The following DMBT1 variants were observed in gnomAD, a reference collection of about 807,000 sequenced individuals.
DMBT1 encodes scavenger receptor cysteine-rich domain-containing protein DMBT1.
A neutral mutation model predicts 252.9 loss-of-function variants in DMBT1; 198 were observed. The observed-to-expected ratio is 0.78, with a 90% CI of 0.70 to 0.88. DMBT1 has a LOEUF of 0.88. Ranked by LOEUF, DMBT1 falls within the 40% of genes least tolerant of loss-of-function variation. The pLI, the probability that DMBT1 is intolerant of heterozygous loss-of-function variation, is 0.00. For synonymous variants in DMBT1, 990 were observed against 942.7 expected (o/e 1.05, Z -0.92); for missense variants, 2,432 against 2,404.7 (o/e 1.01, Z -0.24).
At chr10:122,623,420 C>T (rs972547352) in intron 44 of DMBT1, among the ~76,000 whole-genome samples, 3 of 152,076 alleles carry the variant, frequency 2.0e-5, no homozygotes, top group Non-Finnish European at 4.4e-5. Context: ...AGATATATAC[C>T]TAGGAGTGGG....
intron 46 of DMBT1, among the ~76,000 whole-genome samples, chr10:122,629,472 G>A (rs2098142128): frequency 6.6e-6 from 1 of 152,132 alleles, no homozygotes; most frequent in Non-Finnish European, 1.5e-5. Flanking sequence ...CTCTCCACGG[G>A]TCAGCACTGT....
intron 2 of DMBT1, among the ~76,000 whole-genome samples, chr10:122,569,532 G>A (rs536598364): frequency 1.3e-5 from 2 of 152,266 alleles, no homozygotes; most frequent in Admixed American, 1.3e-4. Context: ...CTGTCCCATG[G>A]CGTGTTCCCC....
At position 122,630,121 on chromosome 10, in the gene DMBT1, T is replaced by G. The variant is rs533598597; in HGVS notation, c.5822+128T>G. The G allele has an allele frequency of 5.7e-5, 81 of 1,426,440 alleles. 1 individual carries two copies. The highest frequency in any genetic ancestry group is 2.3e-4 in the Middle Eastern group (1 of 4,326). The allele number at this position is 1,426,440 out of a possible 1,614,324, so 88.4% of individuals were successfully genotyped here. The stretch of plus-strand genomic sequence containing the variant: ...ATGGACAAGCTTTTGGTGGCTTTGA[T>G]TCCTACCATAAAGCATCAGGGAACA... On this transcript the variant is annotated intron_variant, in intron 47 of 55. Transcript: ENST00000338354.
chr10:122,634,834 G>A (rs914865586), intron 52 of DMBT1, among the ~76,000 whole-genome samples: 8 of 152,254 alleles, frequency 5.3e-5, no homozygotes, highest in Admixed American at 3.9e-4. Flanking sequence ...CCAAGGAGGC[G>A]GGTGGCCCAG....
intron 52 of DMBT1, among the ~76,000 whole-genome samples, chr10:122,635,758 G>A (rs1302378256): frequency 2.0e-5 from 3 of 152,102 alleles, no homozygotes; most frequent in Admixed American, 6.6e-5. Context: ...GTTTCACCAC[G>A]TTGGCCAGGC....
intron 52 of DMBT1, among the ~76,000 whole-genome samples, chr10:122,634,946 G>A (rs2098214279): frequency 6.6e-6 from 1 of 152,214 alleles, no homozygotes; most frequent in African/African-American, 2.4e-5. Context: ...TTTCCCTGTT[G>A]ATTTCTGTTT....
Position 122,618,045 on chromosome 10 carries a change from G to A in DMBT1, c.4920G>A (p.Leu1640=). The change falls in exon 41 of 56, where the codon CTG becomes CTA. Residue 1640 remains leucine (L), a synonymous_variant. Coordinates refer to ENST00000338354, the MANE Select transcript of DMBT1 (RefSeq NM_001377530.1). ...CTGAATCCACTTTGGCCCTGAGACT[G>A]GTGAATGGAGGTGACAGGTGTCGAG... ...AGSESTLALR[L]VNGGDRCRGR... The A allele has an allele frequency of 5.0e-6, 8 of 1,613,344 alleles. No homozygotes were observed. The highest frequency in any genetic ancestry group is 5.9e-6 in the Non-Finnish European group (7 of 1,179,782).
chr10:122,600,955 G>A (rs1453164583), intron 27 of DMBT1, 36 bp from the exon 28 acceptor site: 19 of 706,624 alleles, frequency 2.7e-5, no homozygotes, highest in Admixed American at 1.0e-4. Flanking sequence ...TTCCCTTCAA[G>A]TCTAATTCTG....
Position 122,617,109 on chromosome 10 carries a change from G to A in DMBT1, c.4859-119G>A. 3.4e-6 allele frequency: 4 copies of A among 1,193,174 alleles called. No homozygotes were observed. In the South Asian group the frequency reaches 4.9e-5, roughly 15 times the overall value. The allele number at this position is 1,193,174 out of a possible 1,614,324, so 73.9% of individuals were successfully genotyped here. A position where few individuals can be genotyped will look rare whatever the true frequency, so the allele number is the denominator to read the frequency against. ...ACCTGGGAAGACACATGGGAAGCAA[G>A]TGGCAGGAACAGGAAGTGGAATTGT... On this transcript the variant is annotated intron_variant, in intron 39 of 55. Coordinates refer to ENST00000338354, the MANE Select transcript of DMBT1 (RefSeq NM_001377530.1).
At chr10:122,625,126 A>T in intron 44 of DMBT1, 151 bp from the exon 45 acceptor site, 1 of 738,238 alleles carries the variant, frequency 1.4e-6, no homozygotes, top group Non-Finnish European at 2.3e-6. Flanking sequence ...TTTTGAGACT[A>T]ACCGTTAAGG....
chr10:122,593,554 T>C lies in DMBT1; in HGVS notation c.2501-15T>C, dbSNP rs770244536. ...GTAATGTTCCTGATCTGACCTTCTC[T>C]TCTCTTTCTCACAGTTTCCCAGTCC... On this transcript the variant is annotated splice_polypyrimidine_tract_variant and intron_variant, in intron 20 of 55. Coordinates refer to ENST00000338354, the MANE Select transcript of DMBT1 (RefSeq NM_001377530.1). 19 of 1,586,378 alleles carry C rather than the reference T, an allele frequency of 1.2e-5. 1 individual carries two copies. The highest frequency in any genetic ancestry group is 1.5e-5 in the Non-Finnish European group (18 of 1,164,756).
chr10:122,597,890 T>C lies in DMBT1; in HGVS notation c.2918-84T>C, dbSNP rs1184456482. On this transcript the variant is annotated intron_variant, in intron 24 of 55. Transcript: ENST00000338354. ...ACCAGAAGTGGGGTAGTTTTCATGA[T>C]GTTTGCCTTCTCCGGAGACCTTTCC... 8.1e-6 allele frequency: 13 copies of C among 1,602,086 alleles called. No individual in the cohort carries two copies. In the Admixed American group the frequency reaches 1.5e-4, roughly 18 times the overall value.
intron 51 of DMBT1, 61 bp from the exon 52 acceptor site, chr10:122,633,130 G>A (rs537048037): frequency 2.3e-5 from 36 of 1,569,870 alleles, no homozygotes; most frequent in South Asian, 1.3e-4. Flanking sequence ...AAAGTAGTCC[G>A]CAGGTAGACT....
chr10:122,631,146 G>C lies in DMBT1; in HGVS notation c.6211G>C (p.Gly2071Arg), dbSNP rs759921065. The change falls in exon 49 of 56, where the codon GGC (glycine) becomes CGC (arginine). Residue 2071 changes from glycine to arginine, a missense_variant. Coordinates refer to ENST00000338354, the MANE Select transcript of DMBT1 (RefSeq NM_001377530.1). ...AVSALGNAYF[G>R]SGSGPITLDD... ...TTCAGCCCTTGGAAATGCATATTTT[G>C]GCTCTGGCTCTGGCCCCATCACCCT... 4 of 1,613,994 alleles carry C rather than the reference G, an allele frequency of 2.5e-6. No individual in the cohort carries two copies. In the South Asian group the frequency reaches 3.3e-5, roughly 13 times the overall value.
In DMBT1 at chr10:122,561,582, C is replaced by CTCTCTCTCTCTCTCTA. The variant is rs144834746; in HGVS notation, c.61+754_61+755insCTCTCTCTCTCTATCT. Reference sequence around the variant, plus strand: ...CCTGTCTCTCTGCCTCTCTCTCTCTCTCTTTCTCTCTTATCTATTGTGTAG... The same window carrying CTCTCTCTCTCTCTCTA: ...CCTGTCTCTCTGCCTCTCTCTCTCTCTCTCTCTCTCTCTCTATCTTTCTCTCTTATCTATTGTGTAG... On this transcript the variant is annotated intron_variant, in intron 1 of 55. Transcript: ENST00000338354. Among the ~76,000 whole-genome samples, 242 of 147,584 alleles carry CTCTCTCTCTCTCTCTA rather than the reference C, an allele frequency of 1.6e-3. 1 individual carries two copies. The Middle Eastern group carries it at 0.025, about 15-fold the overall frequency.
intron 44 of DMBT1, among the ~76,000 whole-genome samples, chr10:122,622,292 A>G (rs553296595): frequency 6.6e-6 from 1 of 152,330 alleles, no homozygotes; most frequent in South Asian, 2.1e-4. Context: ...TCAATGTGGT[A>G]TCTACCAGTT....
At chr10:122,590,793 C>G (rs186584667) in intron 18 of DMBT1, 99 bp downstream of exon 18, 20 of 1,412,740 alleles carry the variant, frequency 1.4e-5, no homozygotes, top group Non-Finnish European at 2.0e-5. Context: ...TGTGTGGATA[C>G]TGTGGGTCAT....
intron 10 of DMBT1, 34 bp downstream of exon 10, chr10:122,579,935 G>C (rs1430221808): frequency 6.2e-7 from 1 of 1,613,452 alleles, no homozygotes; most frequent in Admixed American, 1.7e-5. Context: ...CACTCTCTTG[G>C]GGTGGAGTTT....
intron 15 of DMBT1, among the ~76,000 whole-genome samples, chr10:122,585,774 A>G (rs1283898768): frequency 6.7e-6 from 1 of 148,476 alleles, no homozygotes; most frequent in African/African-American, 2.4e-5. Context: ...TGCCTACTGT[A>G]GCTGTGTAGC....
Sources: gnomAD v4.1 joint callset for allele counts (sites outside exome capture counted in the v4.1 genomes callset) on GRCh38, gnomAD v4.1.1 for gene constraint, MANE v1.5 for transcripts, NCBI Gene and HGNC (gene_info 2026-07-23, HGNC 2026-07-21) for gene names.